The following CCDC33 variants were observed in gnomAD, a reference collection of about 807,000 sequenced individuals.
The protein encoded by CCDC33 is coiled-coil domain-containing protein 33.
A neutral mutation model predicts 91.9 loss-of-function variants in CCDC33; 94 were observed. The observed-to-expected ratio is 1.02, with a 90% confidence interval of 0.87 to 1.21. CCDC33 has a LOEUF of 1.21. Among genes scored for constraint, CCDC33 ranks in the 50% most tolerant of loss-of-function variants. The pLI, the probability that CCDC33 is intolerant of heterozygous loss-of-function variation, is 0.00. For missense variants in CCDC33, 940 were observed against 935.5 expected (o/e 1.00, Z -0.06); for synonymous variants, 396 against 374.5 (o/e 1.06, Z -0.66).
intron 9 of CCDC33, 58 bp downstream of exon 9, chr15:74,280,859 C>T (rs2059347507): frequency 7.3e-7 from 1 of 1,368,308 alleles, no homozygotes; most frequent in Non-Finnish European, 9.5e-7. Context: ...CACCCTGCCT[C>T]ACCCTGCCCC....
intron 2 of CCDC33, among the ~76,000 whole-genome samples, chr15:74,227,900 A>G (rs2074850770): frequency 6.6e-6 from 1 of 152,014 alleles, no homozygotes. Flanking sequence ...GTGCAGTCCA[A>G]GAGGTCTCGG....
chr15:74,280,566 G>A, intron 8 of CCDC33, 102 bp from the exon 9 acceptor site: 1 of 1,353,712 alleles, frequency 7.4e-7, no homozygotes, highest in Non-Finnish European at 9.8e-7. Context: ...CAGGAGGCAG[G>A]AAAGCAGGCA....
At chr15:74,324,954 C>T (rs1280815139) in intron 11 of CCDC33, among the ~76,000 whole-genome samples, 1 of 150,458 alleles carries the variant, frequency 6.6e-6, no homozygotes, top group East Asian at 2.0e-4. Flanking sequence ...CCACTCCTCC[C>T]CCTCCTCCCC....
In CCDC33 at chr15:74,313,830, G is replaced by GT. The variant is rs568661956; in HGVS notation, c.1291-16358dup. Among the ~76,000 whole-genome samples, 4 of 152,222 alleles carry GT rather than the reference G, an allele frequency of 2.6e-5. No homozygotes were observed. The East Asian group carries it at 7.7e-4, about 29-fold the overall frequency. ...TCTGGGAGGGTCACAAGCATGCTTG[G>GT]TGCCAGCATCCAGGCCCAGCCCAGT... On this transcript the variant is annotated intron_variant, in intron 11 of 18. Transcript: ENST00000398814.
intron 2 of CCDC33, among the ~76,000 whole-genome samples, chr15:74,248,592 G>A (rs539267605): frequency 3.9e-5 from 6 of 152,316 alleles, no homozygotes; most frequent in South Asian, 4.1e-4. Flanking sequence ...AGACCTGAGA[G>A]TGCCCCAGAA....
chr15:74,274,129 C>T (rs1218300910), intron 7 of CCDC33, among the ~76,000 whole-genome samples: 4 of 152,232 alleles, frequency 2.6e-5, no homozygotes, highest in Admixed American at 6.5e-5. Flanking sequence ...TGCACTCAGC[C>T]GGCAGTCTTG....
upstream of CCDC33, chr15:74,212,218 G>A (rs1055342102): frequency 5.2e-5 from 8 of 152,458 alleles, no homozygotes; most frequent in Admixed American, 6.5e-5. Context: ...CACCGTCTCA[G>A]GGGTTTGTGC....
intron 1 of CCDC33, among the ~76,000 whole-genome samples, chr15:74,239,299 G>A (rs975704352): frequency 6.6e-6 from 1 of 152,040 alleles, no homozygotes; most frequent in Non-Finnish European, 1.5e-5. Flanking sequence ...ACCAAGTTAA[G>A]CACCCCCCAA....
chr15:74,336,018 C>T lies in CCDC33; in HGVS notation c.2233C>T (p.Pro745Ser). The T allele has an allele frequency of 6.2e-7, 1 of 1,613,978 alleles. No homozygotes were observed. The change falls in exon 19 of 19, where the codon CCC becomes TCC. Residue 745 changes from proline to serine, a missense_variant. Transcript: ENST00000398814. ...SDSKLNKPLS[P>S]QKETANSQQT ...CTCTAAGCTCAACAAGCCCTTGAGC[C>T]CCCAGAAGGAGACCGCTAACTCTCA... is the stretch of plus-strand genomic sequence containing the variant.
intron 1 of CCDC33, among the ~76,000 whole-genome samples, chr15:74,204,411 T>C (rs1445083750): frequency 6.6e-6 from 1 of 152,240 alleles, no homozygotes; most frequent in Non-Finnish European, 1.5e-5. Context: ...TACAGGCGGC[T>C]GCTGTGCCCT....
At chr15:74,280,170 C>T in intron 8 of CCDC33, 78 bp downstream of exon 8, 1 of 1,534,676 alleles carries the variant, frequency 6.5e-7, no homozygotes, top group Non-Finnish European at 8.9e-7. Context: ...CAGACCATCC[C>T]ACCTCTGCCT....
At chr15:74,319,275 C>T (rs905558793) in intron 11 of CCDC33, among the ~76,000 whole-genome samples, 2 of 152,350 alleles carry the variant, frequency 1.3e-5, no homozygotes, top group South Asian at 2.1e-4. Context: ...GCAAGGGCCT[C>T]GCTTCGGGTC....
At chr15:74,287,988 T>C (rs2059512021) in intron 10 of CCDC33, among the ~76,000 whole-genome samples, 1 of 152,142 alleles carries the variant, frequency 6.6e-6, no homozygotes, top group Admixed American at 6.5e-5. Context: ...CCCTATAGTG[T>C]TCCCTGCCTT....
upstream of CCDC33, among the ~76,000 whole-genome samples, chr15:74,233,477 A>G (rs1207641664): frequency 6.6e-6 from 1 of 152,164 alleles, no homozygotes; most frequent in Non-Finnish European, 1.5e-5. Context: ...ACCTCATATA[A>G]GTTATGAGGC....
chr15:74,225,152 G>C (rs954023734), intron 2 of CCDC33, among the ~76,000 whole-genome samples: 1 of 151,308 alleles, frequency 6.6e-6, no homozygotes, highest in Non-Finnish European at 1.5e-5. Context: ...GTGTGTGTGT[G>C]TGTGACAGAG....
At chr15:74,236,042 T>C (rs1031817529), upstream of CCDC33, among the ~76,000 whole-genome samples, 2 of 152,166 alleles carry the variant, frequency 1.3e-5, no homozygotes, top group African/African-American at 2.4e-5. Flanking sequence ...GTTTTACCGA[T>C]CAAGCTGCAA....
Position 74,295,820 on chromosome 15 carries a change from G to C in CCDC33, c.1162G>C (p.Asp388His), listed in dbSNP as rs2059674789. The change falls in exon 11 of 19, where the codon GAT becomes CAT. Residue 388 changes from aspartate to histidine, a missense_variant. Transcript: ENST00000398814. ...TCCTACCTTGGACCCCAAGATCCTG[G>C]ATAAGAAGCTGAGAACCATCCAAGA... ...ALPTLDPKIL[D>H]KKLRTIQESW... 1 of 1,614,154 alleles carries C rather than the reference G, an allele frequency of 6.2e-7. No individual in the cohort carries two copies. The highest frequency in any genetic ancestry group is 1.1e-5 in the South Asian group (1 of 91,072).
chr15:74,231,236 C>T (rs191796308), intron 2 of CCDC33, among the ~76,000 whole-genome samples: 10 of 152,256 alleles, frequency 6.6e-5, no homozygotes, highest in African/African-American at 2.4e-4. Flanking sequence ...GAAATGGGAG[C>T]GAGCTACATT....
At chr15:74,252,820 C>T (rs1194471994) in intron 2 of CCDC33, among the ~76,000 whole-genome samples, 1 of 152,188 alleles carries the variant, frequency 6.6e-6, no homozygotes, top group African/African-American at 2.4e-5. Context: ...GATTTTCCAC[C>T]CACACCTGCC....
Sources: allele counts gnomAD v4.1 joint callset (sites outside exome capture counted in the v4.1 genomes callset), GRCh38; gene constraint gnomAD v4.1.1; transcripts MANE v1.5; gene names NCBI Gene and HGNC (gene_info 2026-07-23, HGNC 2026-07-21).